STARD9: variants seen among roughly 807,000 people sequenced by gnomAD.
STARD9 encodes stAR-related lipid transfer protein 9.
STARD9 carries 346 observed loss-of-function variants against 399.8 expected under a neutral mutation model. The observed-to-expected ratio is 0.87, with a 90% confidence interval of 0.79 to 0.95. The LOEUF (loss-of-function observed/expected upper bound fraction) is 0.95, where lower values mean the gene tolerates loss of function less well. Among genes scored for constraint, STARD9 ranks in the 40% least tolerant of loss-of-function variants. The pLI, the probability that STARD9 is intolerant of heterozygous loss-of-function variation, is 0.00. For synonymous variants in STARD9, 2,203 were observed against 2,143.5 expected (o/e 1.03, Z -0.77); for missense variants, 5,832 against 5,667.5 (o/e 1.03, Z -0.93).
intron 4 of STARD9, 101 bp from the exon 5 acceptor site, chr15:42,637,806 C>G (rs2059446908): frequency 8.2e-7 from 1 of 1,226,876 alleles, no homozygotes; most frequent in African/African-American, 1.5e-5. Context: ...ACAAGGAGTC[C>G]ATGCACTCAT....
chr15:42,716,725 C>A lies in STARD9; in HGVS notation c.13333C>A (p.Arg4445=). The change falls in exon 27 of 33, where the codon CGA becomes AGA. Residue 4445 remains arginine, a synonymous_variant. Transcript: ENST00000290607. ...DSRDVWIGDE[R]GGHSAVRKNS... is the part of the protein sequence containing the mutation. ...CAGGGATGTATGGATAGGGGATGAG[C>A]GAGGAGGCCATTCTGCAGTGAGGAA... is the stretch of plus-strand genomic sequence containing the variant. The A allele has an allele frequency of 6.5e-7, 1 of 1,536,962 alleles. No homozygotes were observed. Among genetic ancestry groups the A allele is most frequent in the Non-Finnish European group, 8.7e-7 (1 of 1,146,718 alleles).
At position 42,691,880 on chromosome 15, in the gene STARD9, A is replaced by G; in HGVS notation, c.10302A>G (p.Gln3434=). 6.5e-7 allele frequency: 1 copy of G among 1,537,270 alleles called. No individual in the cohort carries two copies. Among genetic ancestry groups the G allele is most frequent in the South Asian group, 1.2e-5 (1 of 84,054 alleles). ...TGTCTGGTACTTTGGAACAAGCCCA[A>G]CAGGGAAAGCGAGAGAAACTGGGTG... ...SWMSGTLEQA[Q]QGKREKLGVQ... The change falls in exon 23 of 33, where the codon CAA becomes CAG. Residue 3434 remains glutamine, a synonymous_variant. Transcript: ENST00000290607.
chr15:42,599,202 G>T (rs1323025080), intron 3 of STARD9, among the ~76,000 whole-genome samples: 2 of 152,176 alleles, frequency 1.3e-5, no homozygotes, highest in East Asian at 3.8e-4. Flanking sequence ...GGGATTATGT[G>T]AGCCACCATG....
intron 3 of STARD9, among the ~76,000 whole-genome samples, chr15:42,588,789 T>G (rs2058334033): frequency 8.3e-5 from 2 of 24,162 alleles, no homozygotes; most frequent in African/African-American, 1.6e-4. Context: ...TTTTTTTTTT[T>G]TTTTTTTTTT....
In STARD9 at chr15:42,638,765, A is replaced by G. The variant is rs1595686594; in HGVS notation, c.512A>G (p.Tyr171Cys). The G allele has an allele frequency of 6.5e-7, 1 of 1,536,786 alleles. No homozygotes were observed. Among genetic ancestry groups the G allele is most frequent in the South Asian group, 1.2e-5 (1 of 84,004 alleles). ...AAGCAATCTGGTCAAAAAAAGTCCTATACCCTGCGGGTCAGGGAGCATCCA... is the reference window on the plus strand; with the variant it reads ...AAGCAATCTGGTCAAAAAAAGTCCTGTACCCTGCGGGTCAGGGAGCATCCA... ...LLKQSGQKKS[Y>C]TLRVREHPEM... Residue 171 changes from tyrosine (Y) to cysteine (C), a missense_variant, in exon 7 of 33, where the codon TAT becomes TGT. By Grantham distance (194) the Tyr-to-Cys change is radical. This residue lies in a region of STARD9 where 5,828 missense variants were observed against 5,651.1 expected (regional missense o/e 1.03). Transcript: ENST00000290607.
Position 42,695,189 on chromosome 15 carries a change from T to C in STARD9, c.13012T>C (p.Leu4338=). The C allele has an allele frequency of 6.5e-7, 1 of 1,536,752 alleles. No homozygotes were observed. Among genetic ancestry groups the C allele is most frequent in the African/African-American group, 1.4e-5 (1 of 73,032 alleles). The change falls in exon 25 of 33, where the codon TTG becomes CTG. Residue 4338 remains leucine, a synonymous_variant. Transcript: ENST00000290607. The part of the protein sequence containing the change: ...RSAHTPSDIE[L]MLQDYQQAHE... ...AGCTCACACACCCTCTGACATAGAGTTGATGCTGCAAGACTACCAGCAGGC... is the reference window on the plus strand; with the variant it reads ...AGCTCACACACCCTCTGACATAGAGCTGATGCTGCAAGACTACCAGCAGGC...
chr15:42,716,778 A>T lies in STARD9; in HGVS notation c.13372+14A>T. On this transcript the variant is annotated intron_variant, in intron 27 of 32. Transcript: ENST00000290607. Reference sequence around the variant, plus strand: ...ACTCTGCCTACAGTGAGTTGCGGGGAGTGTTGGGCATAGCCAGCTGCCTGG... The same window carrying T: ...ACTCTGCCTACAGTGAGTTGCGGGGTGTGTTGGGCATAGCCAGCTGCCTGG... 2 of 1,533,006 alleles carry T rather than the reference A, an allele frequency of 1.3e-6. No homozygotes were observed. Among genetic ancestry groups the T allele is most frequent in the Non-Finnish European group, 1.7e-6 (2 of 1,143,420 alleles). The allele number at this position is 1,533,006 out of a possible 1,614,324, so 95.0% of individuals were successfully genotyped here.
intron 26 of STARD9, among the ~76,000 whole-genome samples, chr15:42,706,447 A>G (rs1305861413): frequency 1.3e-5 from 2 of 148,820 alleles, no homozygotes; most frequent in African/African-American, 4.9e-5. Context: ...ACATGTACCT[A>G]TCTTAATTTT....
chr15:42,638,659 T>C (rs1188278842), intron 6 of STARD9, 41 bp from the exon 7 acceptor site: 2 of 1,394,284 alleles, frequency 1.4e-6, no homozygotes, highest in African/African-American at 2.9e-5. Flanking sequence ...TCTACTTTTT[T>C]TCAAAATATA....
chr15:42,661,658 T>G (rs1190791460), intron 10 of STARD9, among the ~76,000 whole-genome samples: 2 of 152,114 alleles, frequency 1.3e-5, no homozygotes, highest in African/African-American at 4.8e-5. Context: ...CATCTCATTA[T>G]GTTGCCCTGG....
intron 16 of STARD9, chr15:42,670,703 C>G (rs746852871): frequency 2.6e-5 from 4 of 152,194 alleles, no homozygotes; most frequent in African/African-American, 9.7e-5. Context: ...CAAAGCTCAT[C>G]GGTGTTCTTA....
rs1458764836 is a variant in STARD9, at chr15:42,719,900, G to A, written c.*326G>A. 4 of 237,710 alleles carry A rather than the reference G, an allele frequency of 1.7e-5. No individual in the cohort carries two copies. Among genetic ancestry groups the A allele is most frequent in the Non-Finnish European group, 3.3e-5 (4 of 122,414 alleles). 14.7% of individuals were successfully genotyped at this position (237,710 alleles called of 1,614,324 possible). A position where few individuals can be genotyped will look rare whatever the true frequency, so the allele number is the denominator to read the frequency against. ...CGGCAGACAGGACACTTAAGGACCA[G>A]GACTGGGCACAGCCAGCAGAGCCGG... is the stretch of plus-strand genomic sequence containing the variant. On this transcript the variant is annotated 3_prime_UTR_variant, in exon 33 of 33. Coordinates refer to ENST00000290607, the MANE Select transcript of STARD9 (RefSeq NM_020759.3).
chr15:42,689,762 T>C lies in STARD9; in HGVS notation c.8184T>C (p.Pro2728=). The change falls in exon 23 of 33, where the codon CCT becomes CCC. Residue 2728 remains proline (P), a synonymous_variant. Transcript: ENST00000290607. ...LAPDSPRSSA[P]VEEVRRVVSK... ...CAGACAGTCCTCGTTCTTCAGCACCTGTGGAGGAGGTCAGGAGGGTAGTAT... is the reference window on the plus strand; with the variant it reads ...CAGACAGTCCTCGTTCTTCAGCACCCGTGGAGGAGGTCAGGAGGGTAGTAT... 6.5e-7 allele frequency: 1 copy of C among 1,537,676 alleles called. No homozygotes were observed. The highest frequency in any genetic ancestry group is 8.7e-7 in the Non-Finnish European group (1 of 1,146,994).
At chr15:42,718,648 G>A (rs1367955390) in intron 31 of STARD9, 104 bp from the exon 32 acceptor site, 5 of 1,452,080 alleles carry the variant, frequency 3.4e-6, no homozygotes, top group Non-Finnish European at 4.7e-6. Flanking sequence ...GGGGTGGCTT[G>A]AAGGCTGGCC....
chr15:42,666,089 G>A (rs1005075226), intron 15 of STARD9, among the ~76,000 whole-genome samples: 2 of 152,238 alleles, frequency 1.3e-5, no homozygotes, highest in African/African-American at 4.8e-5. Context: ...AGTGAGAGTA[G>A]CCTGGGGGCA....
chr15:42,688,640 C>T lies in STARD9; in HGVS notation c.7062C>T (p.Gly2354=). ...GTCTTCATGTACCTGTTGCTCTAGG[C>T]ATCTCTTCACTTGACTGTGTGCTGG... The part of the protein sequence containing the change: ...RRCLHVPVAL[G]ISSLDCVLDL... Residue 2354 remains glycine (G), a synonymous_variant, in exon 23 of 33, where the codon GGC becomes GGT. Transcript: ENST00000290607. The T allele has an allele frequency of 6.5e-7, 1 of 1,537,596 alleles. No homozygotes were observed. Among genetic ancestry groups the T allele is most frequent in the South Asian group, 1.2e-5 (1 of 84,054 alleles).
At chr15:42,718,330 G>A (rs373188191) in intron 30 of STARD9, 105 bp from the exon 31 acceptor site, 77 of 1,224,146 alleles carry the variant, frequency 6.3e-5, no homozygotes, top group South Asian at 4.8e-4. Flanking sequence ...GGTTGAGCTA[G>A]GTGTCAAGTG....
rs1595740231 is a variant in STARD9 at position 42,669,537 on chromosome 15, T to C, written c.1497+200T>C. 9.5e-6 allele frequency: 4 copies of C among 420,708 alleles called. No homozygotes were observed. The East Asian group carries it at 1.3e-4, about 14-fold the overall frequency. 26.1% of individuals were successfully genotyped at this position (420,708 alleles called of 1,614,324 possible). A position where few individuals can be genotyped will look rare whatever the true frequency, so the allele number is the denominator to read the frequency against. ...CCTTCGTATGTATAGAGCAGAAGAC[T>C]GGAAATCAGAACAATTGTTTTTCAA... On this transcript the variant is annotated intron_variant, in intron 16 of 32. Coordinates refer to ENST00000290607, the MANE Select transcript of STARD9 (RefSeq NM_020759.3).
intron 3 of STARD9, among the ~76,000 whole-genome samples, chr15:42,633,254 C>A (rs2059364366): frequency 6.6e-6 from 1 of 151,806 alleles, no homozygotes; most frequent in African/African-American, 2.4e-5. Context: ...ATTACAGATA[C>A]AAAAATAAAC....
Sources: gnomAD v4.1 joint callset for allele counts (sites outside exome capture counted in the v4.1 genomes callset) on GRCh38, gnomAD v4.1.1 for gene constraint, gnomAD v4.1.1 regional missense constraint, MANE v1.5 for transcripts, NCBI Gene and HGNC (gene_info 2026-07-23, HGNC 2026-07-21) for gene names.